PTPRT: variants seen among roughly 807,000 people sequenced by gnomAD.
PTPRT encodes the protein receptor-type tyrosine-protein phosphatase T.
In PTPRT, 56 loss-of-function variants were observed where a neutral mutation model predicts 176.8. That is an observed-to-expected ratio of 0.32 (90% confidence interval 0.26 to 0.40). The LOEUF is 0.40. Ranked by LOEUF, PTPRT falls within the 10% of genes least tolerant of loss-of-function variation. PTPRT has a pLI of 1.00. For missense variants in PTPRT, 1,540 were observed against 1,908.2 expected, an observed-to-expected ratio of 0.81 and a Z score of 3.60; for synonymous variants, 783 against 739.0, an observed-to-expected ratio of 1.06 and a Z score of -0.96.
Position 43,169,248 on chromosome 20 carries a change from T to G in PTPRT, c.88+20398A>C, listed in dbSNP as rs775988013. ...AGTCACTGCGATTAGGGCAAACAATTTCACCTTTTCTTATAACTCAAAGTT... is the reference window on the plus strand; with the variant it reads ...AGTCACTGCGATTAGGGCAAACAATGTCACCTTTTCTTATAACTCAAAGTT... On this transcript the variant is annotated intron_variant, in intron 1 of 30. Coordinates refer to ENST00000373187, the MANE Select transcript of PTPRT (RefSeq NM_007050.6). Among the ~76,000 whole-genome samples the G allele has an allele frequency of 4.6e-5, 7 of 152,320 alleles. 1 individual carries two copies. The highest frequency in any genetic ancestry group is 4.6e-4 in the Admixed American group (7 of 15,304).
chr20:42,977,859 T>C (rs1166521525), intron 1 of PTPRT, among the ~76,000 whole-genome samples: 1 of 152,278 alleles, frequency 6.6e-6, no homozygotes, highest in Non-Finnish European at 1.5e-5. Flanking sequence ...ACCTTTTATG[T>C]GCATCTCTAA....
intron 1 of PTPRT, among the ~76,000 whole-genome samples, chr20:43,067,638 T>C (rs749593713): frequency 1.3e-5 from 2 of 151,766 alleles, no homozygotes; most frequent in African/African-American, 2.4e-5. Flanking sequence ...CGGATGACTG[T>C]TGGGTACCTG....
chr20:42,762,922 A>C (rs2076934664), intron 5 of PTPRT, among the ~76,000 whole-genome samples: 1 of 152,084 alleles, frequency 6.6e-6, no homozygotes, highest in Non-Finnish European at 1.5e-5. Context: ...CTCAAATTCC[A>C]ACTTCCCTTG....
chr20:43,143,278 ACTTTCCAGAGT>A (rs1449381007), intron 1 of PTPRT, among the ~76,000 whole-genome samples: 2 of 151,998 alleles, frequency 1.3e-5, no homozygotes, highest in African/African-American at 4.8e-5. Flanking sequence ...CCTCCCTTCA[ACTTTCCAGAGT>A]CTTCAGCAAA....
intron 1 of PTPRT, among the ~76,000 whole-genome samples, chr20:43,062,787 T>G (rs1284827590): frequency 1.3e-5 from 2 of 152,208 alleles, no homozygotes; most frequent in East Asian, 1.9e-4. Context: ...CCATGGGAGT[T>G]TTCTACTATA....
intron 2 of PTPRT, among the ~76,000 whole-genome samples, chr20:42,838,055 T>G (rs56282828): frequency 0.31 from 46,424 of 152,056 alleles, 8,319 homozygotes; most frequent in Non-Finnish European, 0.41. Context: ...AGACGGAGTT[T>G]CGCTCTTGTT....
At chr20:42,380,342 G>T (rs1165210408) in intron 9 of PTPRT, among the ~76,000 whole-genome samples, 1 of 152,056 alleles carries the variant, frequency 6.6e-6, no homozygotes, top group African/African-American at 2.4e-5. Flanking sequence ...GGCACTGACT[G>T]GTAGGCTATG....
intron 8 of PTPRT, among the ~76,000 whole-genome samples, chr20:42,468,221 A>C (rs767022104): frequency 1.1e-4 from 17 of 152,322 alleles, no homozygotes; most frequent in Non-Finnish European, 2.4e-4. Context: ...TGACAGCAGC[A>C]TGAATTCAGC....
chr20:42,356,576 AC>A (rs2058361224), intron 9 of PTPRT, among the ~76,000 whole-genome samples: 1 of 152,024 alleles, frequency 6.6e-6, no homozygotes, highest in Non-Finnish European at 1.5e-5. Flanking sequence ...CATGCCTGTA[AC>A]CCCAGCTACT....
At chr20:42,110,603 C>T in intron 22 of PTPRT, 116 bp from the exon 23 acceptor site, 1 of 1,128,578 alleles carries the variant, frequency 8.9e-7, no homozygotes. Context: ...AGGGCCCTCA[C>T]AGTGTTTGTT....
At chr20:43,107,538 G>C (rs2425603) in intron 1 of PTPRT, among the ~76,000 whole-genome samples, 1 of 152,016 alleles carries the variant, frequency 6.6e-6, no homozygotes, top group South Asian at 2.1e-4. Context: ...AATTAAAAAC[G>C]GCAGTCATTT....
At chr20:43,163,405 G>A (rs551156449) in intron 1 of PTPRT, among the ~76,000 whole-genome samples, 2 of 152,138 alleles carry the variant, frequency 1.3e-5, no homozygotes, top group Admixed American at 1.3e-4. Flanking sequence ...TTGGGAGGCC[G>A]AGGGGGGCAA....
chr20:43,104,246 A>G (rs2012507808), intron 1 of PTPRT, among the ~76,000 whole-genome samples: 1 of 152,172 alleles, frequency 6.6e-6, no homozygotes, highest in Non-Finnish European at 1.5e-5. Context: ...GGCCTTCAGC[A>G]AGATTCTGAT....
chr20:42,116,401 T>A (rs1987285344), intron 21 of PTPRT, among the ~76,000 whole-genome samples: 2 of 152,112 alleles, frequency 1.3e-5, no homozygotes, highest in African/African-American at 4.8e-5. Context: ...CAACAGAGCA[T>A]GGGGGCAAAT....
At chr20:42,738,841 G>A (rs950622032) in intron 6 of PTPRT, among the ~76,000 whole-genome samples, 2 of 152,168 alleles carry the variant, frequency 1.3e-5, no homozygotes, top group African/African-American at 4.8e-5. Context: ...GGAAGATGAG[G>A]TGGGCACATT....
intron 7 of PTPRT, among the ~76,000 whole-genome samples, chr20:42,676,753 TATAAC>T (rs2075511507): frequency 6.6e-6 from 1 of 152,218 alleles, no homozygotes. Context: ...GAAAAAAAGA[TATAAC>T]ATAAATAAGG....
chr20:42,595,768 C>A (rs562831215), intron 7 of PTPRT, among the ~76,000 whole-genome samples: 2 of 152,114 alleles, frequency 1.3e-5, no homozygotes, highest in African/African-American at 4.8e-5. Context: ...AATTTCAGTG[C>A]GACATTGAAC....
chr20:42,396,133 T>C (rs897598779), intron 9 of PTPRT, among the ~76,000 whole-genome samples: 15 of 152,150 alleles, frequency 9.9e-5, no homozygotes, highest in African/African-American at 3.6e-4. Flanking sequence ...TCCCAATCTT[T>C]CTCTGAAACC....
At chr20:42,486,968 G>A (rs1012412144) in intron 7 of PTPRT, among the ~76,000 whole-genome samples, 2 of 152,100 alleles carry the variant, frequency 1.3e-5, no homozygotes, top group Non-Finnish European at 2.9e-5. Context: ...GAGTAGCAGA[G>A]GTGAGTGAAT....
Sources: allele counts gnomAD v4.1 joint callset (sites outside exome capture counted in the v4.1 genomes callset), GRCh38; gene constraint gnomAD v4.1.1; transcripts MANE v1.5; gene names NCBI Gene and HGNC (gene_info 2026-07-23, HGNC 2026-07-21).